TRANK1: variants seen among roughly 807,000 people sequenced by gnomAD.
TRANK1 encodes the protein tetratricopeptide repeat and ankyrin repeat containing 1, also known as TPR and ankyrin repeat-containing protein 1.
A neutral mutation model predicts 266.0 loss-of-function variants in TRANK1; 198 were observed. That is an observed-to-expected ratio of 0.74 (90% CI 0.66 to 0.84). The LOEUF (loss-of-function observed/expected upper bound fraction) is 0.84. Ranked by LOEUF, TRANK1 falls within the 40% of genes least tolerant of loss-of-function variation. TRANK1 has a pLI of 0.00. For missense variants in TRANK1, 3,326 were observed against 3,634.6 expected, an observed-to-expected ratio of 0.92 and a Z score of 2.18; for synonymous variants, 1,396 against 1,384.1, an observed-to-expected ratio of 1.01 and a Z score of -0.19.
At chr3:36,844,633 T>C (rs2078891582) in intron 17 of TRANK1, among the ~76,000 whole-genome samples, 1 of 152,160 alleles carries the variant, frequency 6.6e-6, no homozygotes, top group Non-Finnish European at 1.5e-5. Context: ...TCATTTTCCT[T>C]TGGGAGAGAA....
intron 8 of TRANK1, among the ~76,000 whole-genome samples, chr3:36,886,392 T>G (rs973165524): frequency 6.6e-6 from 1 of 152,020 alleles, no homozygotes; most frequent in African/African-American, 2.4e-5. Context: ...ATTACAGGCA[T>G]GAGCCACCAC....
intron 2 of TRANK1, among the ~76,000 whole-genome samples, chr3:36,904,475 G>A (rs1474467207): frequency 6.6e-5 from 10 of 151,028 alleles, no homozygotes; most frequent in African/African-American, 2.2e-4. Flanking sequence ...AGCCAAGATC[G>A]CACCACTGCA....
chr3:36,887,045 T>C lies in TRANK1; in HGVS notation c.907+2784A>G, dbSNP rs1415203248. On this transcript the variant is annotated intron_variant, in intron 8 of 23. Coordinates refer to ENST00000645898, the MANE Select transcript of TRANK1 (RefSeq NM_001329998.2). ...CCTCAGCCTCCCGAGTAGCTGGGACTACAGGCGCATGCTACTATGCCACAT... is the reference window on the plus strand; with the variant it reads ...CCTCAGCCTCCCGAGTAGCTGGGACCACAGGCGCATGCTACTATGCCACAT... 3.3e-5 allele frequency among the ~76,000 whole-genome samples: 5 copies of C among 151,928 alleles called. No individual in the cohort carries two copies. The East Asian group carries it at 5.8e-4, about 18-fold the overall frequency.
chr3:36,845,299 T>C (rs1205600509), intron 17 of TRANK1, among the ~76,000 whole-genome samples: 2 of 152,224 alleles, frequency 1.3e-5, no homozygotes. Flanking sequence ...TTCTGATTAA[T>C]TCCTTACTAT....
chr3:36,854,518 G>A (rs946546836), intron 13 of TRANK1, among the ~76,000 whole-genome samples: 7 of 152,198 alleles, frequency 4.6e-5, no homozygotes, highest in Non-Finnish European at 7.3e-5. Context: ...GGCCAAAGGA[G>A]ATAAATTTGT....
At chr3:36,883,705 G>T (rs1206955175) in intron 8 of TRANK1, among the ~76,000 whole-genome samples, 1 of 152,162 alleles carries the variant, frequency 6.6e-6, no homozygotes, top group African/African-American at 2.4e-5. Flanking sequence ...GGATGAGACG[G>T]AAGTGACATT....
rs765394125 is a variant in TRANK1, at chr3:36,833,271, A to G, written c.6312T>C (p.Asn2104=). The G allele has an allele frequency of 1.2e-6, 2 of 1,613,958 alleles. No homozygotes were observed. The highest frequency in any genetic ancestry group is 3.3e-5 in the Admixed American group (2 of 60,024). The change falls in exon 22 of 24, where the codon AAT becomes AAC. Residue 2104 remains asparagine, a synonymous_variant. Transcript: ENST00000645898. ...AAGATTTGACCATTTCCTTCTCAGCATTGTTGGTCACTCTTTTGAGAGCCC... is the reference window on the plus strand; with the variant it reads ...AAGATTTGACCATTTCCTTCTCAGCGTTGTTGGTCACTCTTTTGAGAGCCC... ...LVRALKRVTN[N]AEKEMVKSCF...
At chr3:36,915,529 C>T (rs112059955) in intron 1 of TRANK1, among the ~76,000 whole-genome samples, 1,531 of 152,272 alleles carry the variant, frequency 0.01, 24 homozygotes, top group African/African-American at 0.035. Flanking sequence ...GAACTTTCAG[C>T]ACACCCTAAT....
At chr3:36,864,619 G>A (rs1361196074) in intron 9 of TRANK1, 139 bp from the exon 10 acceptor site, 1 of 751,330 alleles carries the variant, frequency 1.3e-6, no homozygotes, top group Admixed American at 3.7e-5. Flanking sequence ...ATCAAGAAGT[G>A]GAGCCTCTTT....
intron 15 of TRANK1, among the ~76,000 whole-genome samples, chr3:36,847,919 A>G (rs923855988): frequency 6.6e-6 from 1 of 152,212 alleles, no homozygotes; most frequent in Non-Finnish European, 1.5e-5. Flanking sequence ...ATAATACTCA[A>G]CTTTGTTGGG....
rs770050846 is a variant in TRANK1 at position 36,856,900 on chromosome 3, A to C, written c.2822T>G (p.Ile941Ser). The change falls in exon 13 of 24, where the codon ATT (isoleucine) becomes AGT (serine). Residue 941 changes from isoleucine (I) to serine (S), a missense_variant. Physicochemically the swap from Ile to Ser is moderately radical, Grantham distance 142 (BLOSUM62 -2). Transcript: ENST00000645898. ...GCAGTGATCTAAGACGATGTCCCAA[A>C]TCCGGATGATTTCCGTGTAGATCCG... ...SGRIYTEIIR[I>S]WDIVLDHCKL... 1 of 1,613,922 alleles carries C rather than the reference A, an allele frequency of 6.2e-7. No individual in the cohort carries two copies. Among genetic ancestry groups the C allele is most frequent in the Non-Finnish European group, 8.5e-7 (1 of 1,179,866 alleles).
chr3:36,910,348 C>T (rs528762878), intron 1 of TRANK1, among the ~76,000 whole-genome samples: 4 of 152,118 alleles, frequency 2.6e-5, no homozygotes, highest in African/African-American at 4.8e-5. Context: ...TTCACCACCT[C>T]GAAAACTTGG....
chr3:36,872,174 G>A (rs976378476), intron 9 of TRANK1, among the ~76,000 whole-genome samples: 1 of 152,202 alleles, frequency 6.6e-6, no homozygotes, highest in African/African-American at 2.4e-5. Context: ...GCCAAGGCAG[G>A]TAGATCACTT....
intron 1 of TRANK1, among the ~76,000 whole-genome samples, chr3:36,924,111 A>G (rs2080255477): frequency 1.3e-5 from 2 of 152,110 alleles, no homozygotes; most frequent in South Asian, 4.1e-4. Flanking sequence ...CAGCCTCAAA[A>G]TGGTGAGGGT....
chr3:36,828,147 T>C lies in TRANK1; in HGVS notation c.*128A>G. ...GAGAAGTAATGAGAATAAAAAGCAA[T>C]GGTGTTGTTAGACTCCCCTATTTTT... On this transcript the variant is annotated 3_prime_UTR_variant, in exon 24 of 24. Coordinates refer to ENST00000645898, the MANE Select transcript of TRANK1 (RefSeq NM_001329998.2). 5 of 667,194 alleles carry C rather than the reference T, an allele frequency of 7.5e-6. No homozygotes were observed. Among genetic ancestry groups the C allele is most frequent in the Non-Finnish European group, 1.3e-5 (5 of 382,614 alleles). The allele number at this position is 667,194 out of a possible 1,614,324, so 41.3% of individuals were successfully genotyped here.
At position 36,857,306 on chromosome 3, in the gene TRANK1, T is replaced by G; in HGVS notation, c.2416A>C (p.Arg806=). ...GALQLVPDDN[R]GKEGNDDQDD... Reference sequence around the variant, plus strand: ...TGATCATCATTGCCCTCCTTCCCCCTGTTATCATCAGGCACAAGCTGCAAG... The same window carrying G: ...TGATCATCATTGCCCTCCTTCCCCCGGTTATCATCAGGCACAAGCTGCAAG... The change falls in exon 13 of 24, where the codon AGG becomes CGG. Residue 806 remains arginine (R), a synonymous_variant. Transcript: ENST00000645898. This position sits in a 1 kb window ranked among gnomAD's most constrained non-coding sequence, Gnocchi z 4.3. The G allele has an allele frequency of 6.2e-7, 1 of 1,609,160 alleles. No homozygotes were observed. The highest frequency in any genetic ancestry group is 8.5e-7 in the Non-Finnish European group (1 of 1,177,580).
chr3:36,853,713 A>G (rs1449430649), intron 13 of TRANK1, among the ~76,000 whole-genome samples: 1 of 152,252 alleles, frequency 6.6e-6, no homozygotes, highest in Non-Finnish European at 1.5e-5. Context: ...GATACATACT[A>G]TACATGGATA....
chr3:36,912,025 T>C (rs2080059706), intron 1 of TRANK1, among the ~76,000 whole-genome samples: 1 of 151,932 alleles, frequency 6.6e-6, no homozygotes. Context: ...CCATCTCTAC[T>C]AAAAATATAC....
At chr3:36,901,433 T>C (rs75428476) in intron 3 of TRANK1, among the ~76,000 whole-genome samples, 1 of 152,304 alleles carries the variant, frequency 6.6e-6, no homozygotes, top group Non-Finnish European at 1.5e-5. Context: ...TTGCAGCCCC[T>C]AGAGACCTAA....
Sources: gnomAD v4.1 joint callset for allele counts (sites outside exome capture counted in the v4.1 genomes callset) on GRCh38, gnomAD v4.1.1 for gene constraint, Gnocchi (gnomAD v3.1) non-coding constraint, MANE v1.5 for transcripts, NCBI Gene and HGNC (gene_info 2026-07-23, HGNC 2026-07-21) for gene names.